The following MCPH1 variants were observed in gnomAD, a reference collection of about 807,000 sequenced individuals.
The protein encoded by MCPH1 is microcephalin 1.
In MCPH1, 104 loss-of-function variants were observed where a neutral mutation model predicts 84.5. The ratio of observed to expected loss-of-function variants is 1.23; its 90% CI spans 1.05 to 1.45. MCPH1 has a LOEUF of 1.45. Among genes scored for constraint, MCPH1 ranks in the 40% most tolerant of loss-of-function variants. The pLI is 0.00. For synonymous variants in MCPH1, 514 were observed against 366.8 expected, an observed-to-expected ratio of 1.40 and a Z score of -4.58; for missense variants, 1,498 against 1,005.7, an observed-to-expected ratio of 1.49 and a Z score of -6.62.
chr8:6,453,084 C>T (rs1805268472), intron 8 of MCPH1, among the ~76,000 whole-genome samples: 1 of 152,090 alleles, frequency 6.6e-6, no homozygotes, highest in Non-Finnish European at 1.5e-5. Context: ...CTGATGACAA[C>T]CCATGAAAAA....
rs772338945 is a variant in MCPH1 at position 6,445,387 on chromosome 8, G to T, written c.1665G>T (p.Ala555=). The change falls in exon 8 of 14, where the codon GCG becomes GCT. Residue 555 remains alanine (A), a synonymous_variant. Transcript: ENST00000344683. Reference sequence around the variant, plus strand: ...GAAGCCTTGAAGAAATGAAAGAAGCGGTTGGTCTGAAAAGCACACAGAACA... The same window carrying T: ...GAAGCCTTGAAGAAATGAAAGAAGCTGTTGGTCTGAAAAGCACACAGAACA... ...LEGSLEEMKE[A]VGLKSTQNKG... The T allele has an allele frequency of 6.2e-7, 1 of 1,614,096 alleles. No homozygotes were observed. Among genetic ancestry groups the T allele is most frequent in the Non-Finnish European group, 8.5e-7 (1 of 1,180,056 alleles).
intron 8 of MCPH1, chr8:6,447,258 T>C (rs1003945282): frequency 8.1e-6 from 8 of 985,282 alleles, no homozygotes; most frequent in Non-Finnish European, 8.4e-6. Flanking sequence ...TGGGAATCTA[T>C]CTTAGAAGAT....
chr8:6,456,355 T>C (rs192705647), intron 9 of MCPH1, among the ~76,000 whole-genome samples: 14 of 152,226 alleles, frequency 9.2e-5, no homozygotes, highest in Admixed American at 3.9e-4. Context: ...CTCCCAGGGG[T>C]GGGGCCCTTC....
intron 5 of MCPH1, among the ~76,000 whole-genome samples, chr8:6,437,699 C>T (rs1802871518): frequency 6.6e-6 from 1 of 152,170 alleles, no homozygotes; most frequent in Non-Finnish European, 1.5e-5. Context: ...CACCAGCTGT[C>T]TCGTCTTCGT....
At chr8:6,423,310 G>A (rs557653647) in intron 3 of MCPH1, among the ~76,000 whole-genome samples, 5 of 147,176 alleles carry the variant, frequency 3.4e-5, no homozygotes, top group Admixed American at 6.8e-5. Context: ...GACTACAGGC[G>A]CCCGCCACCA....
At chr8:6,583,336 G>T (rs1357785367) in intron 12 of MCPH1, among the ~76,000 whole-genome samples, 1 of 152,110 alleles carries the variant, frequency 6.6e-6, no homozygotes, top group Non-Finnish European at 1.5e-5. Context: ...TCCTAGGAAA[G>T]ACTCCTCAGA....
chr8:6,500,118 T>A, intron 12 of MCPH1, 189 bp downstream of exon 12: 1 of 602,312 alleles, frequency 1.7e-6, no homozygotes, highest in Non-Finnish European at 3.0e-6. Flanking sequence ...CGTGAGACCA[T>A]TGTGCAAAAA....
intron 11 of MCPH1, among the ~76,000 whole-genome samples, chr8:6,492,957 C>A (rs1422135829): frequency 6.6e-6 from 1 of 151,848 alleles, no homozygotes; most frequent in Non-Finnish European, 1.5e-5. Context: ...GTGCTTTTGC[C>A]CTTAATGTGA....
In MCPH1 at chr8:6,644,820, A is replaced by G. The variant is rs780209973; in HGVS notation, c.*1771A>G. On this transcript the variant is annotated 3_prime_UTR_variant, in exon 14 of 14. Transcript: ENST00000344683. The stretch of plus-strand genomic sequence containing the variant: ...ATATAACAGAACCACTTCTAGAATG[A>G]ACCTTTGAGAAGGGAGGTAGCAGTG... The G allele has an allele frequency of 2.0e-5, 3 of 152,206 alleles. No individual in the cohort carries two copies. Among genetic ancestry groups the G allele is most frequent in the Admixed American group, 6.5e-5 (1 of 15,276 alleles). 9.4% of individuals were successfully genotyped at this position (152,206 alleles called of 1,614,324 possible).
At chr8:6,457,559 C>T (rs1325677764) in intron 9 of MCPH1, among the ~76,000 whole-genome samples, 1 of 152,052 alleles carries the variant, frequency 6.6e-6, no homozygotes, top group East Asian at 1.9e-4. Flanking sequence ...GAGTCGAGAT[C>T]ATGCCACTGC....
intron 12 of MCPH1, among the ~76,000 whole-genome samples, chr8:6,549,826 C>G (rs1823296646): frequency 6.6e-6 from 1 of 152,168 alleles, no homozygotes; most frequent in South Asian, 2.1e-4. Flanking sequence ...CAAAAATTTA[C>G]CAAGTTGTAC....
At chr8:6,625,607 C>G in intron 13 of MCPH1, 1 of 985,222 alleles carries the variant, frequency 1.0e-6, no homozygotes, top group Non-Finnish European at 1.2e-6. Context: ...GGAATATCAA[C>G]TGCTTTGTAA....
At chr8:6,530,579 T>C (rs1819302998) in intron 12 of MCPH1, among the ~76,000 whole-genome samples, 1 of 145,072 alleles carries the variant, frequency 6.9e-6, no homozygotes, top group Non-Finnish European at 1.5e-5. Context: ...AATAATTCGC[T>C]TTAGATATAT....
intron 12 of MCPH1, among the ~76,000 whole-genome samples, chr8:6,579,202 A>C (rs781354421): frequency 1.8e-4 from 27 of 152,216 alleles, no homozygotes; most frequent in Non-Finnish European, 2.9e-4. Flanking sequence ...TTCATCTGTT[A>C]AGTGAGAGTA....
At chr8:6,453,244 C>A (rs1805284580) in intron 8 of MCPH1, among the ~76,000 whole-genome samples, 2 of 152,184 alleles carry the variant, frequency 1.3e-5, no homozygotes, top group East Asian at 3.8e-4. Flanking sequence ...TTTGCACTCT[C>A]AACTGCTTTG....
chr8:6,489,060 T>C (rs929596098), intron 11 of MCPH1, among the ~76,000 whole-genome samples: 2 of 152,138 alleles, frequency 1.3e-5, no homozygotes, highest in East Asian at 3.8e-4. Context: ...TAGGGAATTC[T>C]GGGGCAGAAG....
intron 12 of MCPH1, chr8:6,527,627 A>G (rs766438954): frequency 1.2e-6 from 2 of 1,613,992 alleles, no homozygotes; most frequent in Non-Finnish European, 1.7e-6. Flanking sequence ...GTTTGTCGAG[A>G]GGGAGTGTTC....
At position 6,429,384 on chromosome 8, in the gene MCPH1, C is replaced by T. The variant is rs568193971; in HGVS notation, c.234-2115C>T. ...CGCTCCCTCTTTTCAGCCTTCCACC[C>T]TCTGCCCTCTGCACTTTGCCCCCTG... is the stretch of plus-strand genomic sequence containing the variant. On this transcript the variant is annotated intron_variant, in intron 3 of 13. Coordinates refer to ENST00000344683, the MANE Select transcript of MCPH1 (RefSeq NM_024596.5). 8.5e-5 allele frequency among the ~76,000 whole-genome samples: 13 copies of T among 152,230 alleles called. No homozygotes were observed. In the South Asian group the frequency reaches 1.9e-3, roughly 22 times the overall value.
intron 2 of MCPH1, among the ~76,000 whole-genome samples, chr8:6,411,156 C>G (rs896856891): frequency 6.6e-6 from 1 of 152,076 alleles, no homozygotes; most frequent in African/African-American, 2.4e-5. Flanking sequence ...GTCAAAAGGT[C>G]ATTTCTTGGG....
Sources: allele counts gnomAD v4.1 joint callset (sites outside exome capture counted in the v4.1 genomes callset), GRCh38; gene constraint gnomAD v4.1.1; transcripts MANE v1.5; gene names NCBI Gene and HGNC (gene_info 2026-07-23, HGNC 2026-07-21).